Variants in KIF1A observed in about 807,000 individuals in gnomAD.
KIF1A encodes the protein kinesin family member 1A.
Under a neutral mutation model 227.3 loss-of-function variants are expected in KIF1A, and 46 were observed. The ratio of observed to expected loss-of-function variants is 0.20; its 90% confidence interval spans 0.16 to 0.26. The LOEUF (loss-of-function observed/expected upper bound fraction) is 0.26. KIF1A is among the 10% of genes least tolerant of loss of function. The pLI, the probability that KIF1A is intolerant of heterozygous loss-of-function variation, is 1.00. For missense variants in KIF1A, 1,683 were observed against 2,485.9 expected, an observed-to-expected ratio of 0.68 and a Z score of 6.87; for synonymous variants, 1,022 against 1,012.8, an observed-to-expected ratio of 1.01 and a Z score of -0.17.
chr2:240,811,120 G>A (rs919783254), intron 1 of KIF1A, among the ~76,000 whole-genome samples: 2 of 152,186 alleles, frequency 1.3e-5, no homozygotes, highest in South Asian at 2.1e-4. Flanking sequence ...CCAGCACTTT[G>A]GGAGGCCGAG....
Position 240,757,157 on chromosome 2 carries a change from G to T in KIF1A, c.2858+162C>A, listed in dbSNP as rs1055850979. 2.0e-5 allele frequency among the ~76,000 whole-genome samples: 3 copies of T among 152,166 alleles called. No individual in the cohort carries two copies. On this transcript the variant is annotated intron_variant, in intron 27 of 48. Transcript: ENST00000498729. This position sits in a 1 kb window ranked among gnomAD's most constrained non-coding sequence, Gnocchi z 6.2. ...GCCCCACTGCAAGGATGCAGGGCCC[G>T]GGGGCCCTCGGGTGCTCTCCTCAGG...
intron 38 of KIF1A, chr2:240,734,718 C>G (rs1224462008): frequency 7.7e-7 from 1 of 1,304,686 alleles, no homozygotes; most frequent in South Asian, 1.2e-5. Flanking sequence ...ACAGATGATA[C>G]CTAGGTATGT....
chr2:240,722,021 A>G, intron 43 of KIF1A, 137 bp from the exon 44 acceptor site: 1 of 684,638 alleles, frequency 1.5e-6, no homozygotes, highest in East Asian at 2.7e-5. Context: ...CAAGGTGGGC[A>G]GCACCTCCAC....
At chr2:240,771,509 C>G (rs2051985091) in intron 14 of KIF1A, among the ~76,000 whole-genome samples, 1 of 152,130 alleles carries the variant, frequency 6.6e-6, no homozygotes, top group Non-Finnish European at 1.5e-5. Flanking sequence ...AGCTGCACTC[C>G]AGGCCCCACT....
intron 38 of KIF1A, among the ~76,000 whole-genome samples, chr2:240,728,673 G>T (rs1294893527): frequency 6.6e-6 from 1 of 152,212 alleles, no homozygotes; most frequent in Non-Finnish European, 1.5e-5. Flanking sequence ...GGGCCAGGTG[G>T]ATGCCCAGAA....
At chr2:240,772,495 A>C in intron 14 of KIF1A, 75 bp downstream of exon 14, 1 of 1,340,166 alleles carries the variant, frequency 7.5e-7, no homozygotes, top group Non-Finnish European at 1.0e-6. Flanking sequence ...CCCCTCCCTG[A>C]CCATGCCACC....
In KIF1A at chr2:240,750,451, G is replaced by T. The variant is rs537989393; in HGVS notation, c.2955C>A (p.Arg985=). ...SEKGEVKGFL[R]VAVQAISADE... The stretch of plus-strand genomic sequence containing the variant: ...CACCTGAGATGGCCTGGACGGCCAC[G>T]CGGAGGAAGCCCTTCACCTCGCCCT... Residue 985 remains arginine, a synonymous_variant, in exon 28 of 49, where the codon CGC becomes CGA. Transcript: ENST00000498729. 1 of 1,613,640 alleles carries T rather than the reference G, an allele frequency of 6.2e-7. No homozygotes were observed. The highest frequency in any genetic ancestry group is 1.3e-5 in the African/African-American group (1 of 75,060).
At chr2:240,782,658 G>T in intron 9 of KIF1A, 51 bp from the exon 10 acceptor site, 1 of 1,544,006 alleles carries the variant, frequency 6.5e-7, no homozygotes, top group Non-Finnish European at 8.8e-7. Context: ...AAGCTGGCGC[G>T]GGCTGTGGGG....
rs1293784683 is a variant in KIF1A at position 240,797,532 on chromosome 2, AG to A, written c.106+114del. On this transcript the variant is annotated intron_variant, in intron 2 of 48. Coordinates refer to ENST00000498729, the MANE Select transcript of KIF1A (RefSeq NM_001244008.2). Reference sequence around the variant, plus strand: ...AGGACACCCACACGCCACATAGACAAGGAGGTGCTCTTGCGGCCAGGGCCAG... The same window carrying A: ...AGGACACCCACACGCCACATAGACAAGAGGTGCTCTTGCGGCCAGGGCCAG... 31 of 706,416 alleles carry A rather than the reference AG, an allele frequency of 4.4e-5. No individual in the cohort carries two copies. The Middle Eastern group carries it at 7.5e-4, about 17-fold the overall frequency. 43.8% of individuals were successfully genotyped at this position (706,416 alleles called of 1,614,324 possible).
chr2:240,796,773 A>C (rs900975068), intron 2 of KIF1A, among the ~76,000 whole-genome samples: 1 of 152,090 alleles, frequency 6.6e-6, no homozygotes, highest in African/African-American at 2.4e-5. Context: ...CAGAGCCCTC[A>C]CTTCCATAGG....
chr2:240,744,050 T>G lies in KIF1A; in HGVS notation c.3476A>C (p.Glu1159Ala). 1 of 1,611,768 alleles carries G rather than the reference T, an allele frequency of 6.2e-7. No homozygotes were observed. Among genetic ancestry groups the G allele is most frequent in the Non-Finnish European group, 8.5e-7 (1 of 1,178,044 alleles). Residue 1159 changes from glutamate to alanine, a missense_variant, in exon 33 of 49, where the codon GAG becomes GCG. Glu to Ala is a moderately radical substitution (Grantham distance 107). This residue lies in a region of KIF1A where 759 missense variants were observed against 1,020.2 expected (regional missense o/e 0.74). Coordinates refer to ENST00000498729, the MANE Select transcript of KIF1A (RefSeq NM_001244008.2). ...GTACTCAATGAAGGACTTGGTCACC[T>G]CCACTGCGATCTGGTGGGCAGGCAG... ...GFYHVQNIAV[E>A]VTKSFIEYIK...
Position 240,762,830 on chromosome 2 carries a change from T to G in KIF1A, c.2023-18A>C. On this transcript the variant is annotated intron_variant, in intron 22 of 48. Coordinates refer to ENST00000498729, the MANE Select transcript of KIF1A (RefSeq NM_001244008.2). ...TCATAGTCCTGCAGAAAGCAAGGCC[T>G]GTGACTCCACTACGGCCCTACCTGC... 1 of 1,568,964 alleles carries G rather than the reference T, an allele frequency of 6.4e-7. No homozygotes were observed. The highest frequency in any genetic ancestry group is 8.7e-7 in the Non-Finnish European group (1 of 1,151,922).
At chr2:240,760,508 T>C (rs530639011) in intron 25 of KIF1A, among the ~76,000 whole-genome samples, 157 bp downstream of exon 25, 1 of 152,382 alleles carries the variant, frequency 6.6e-6, no homozygotes, top group Admixed American at 6.5e-5. Flanking sequence ...CTGGACTCTA[T>C]TCACATTTTT....
Position 240,766,867 on chromosome 2 carries a change from C to G in KIF1A, c.1684+48G>C, listed in dbSNP as rs1479036599. The stretch of plus-strand genomic sequence containing the variant: ...GGTGACCTCATTCAGGCCTGATCAT[C>G]ACGGCACAGGGGCATGGGTGCGGGT... On this transcript the variant is annotated intron_variant, in intron 19 of 48. Coordinates refer to ENST00000498729, the MANE Select transcript of KIF1A (RefSeq NM_001244008.2). The surrounding 1 kb of genome is among the most constrained non-coding windows in gnomAD (Gnocchi z 5.0). 1 of 1,361,246 alleles carries G rather than the reference C, an allele frequency of 7.3e-7. No individual in the cohort carries two copies. Among genetic ancestry groups the G allele is most frequent in the East Asian group, 2.4e-5 (1 of 41,240 alleles). The allele number at this position is 1,361,246 out of a possible 1,614,324, so 84.3% of individuals were successfully genotyped here.
chr2:240,810,492 C>A (rs2126225043), intron 1 of KIF1A, among the ~76,000 whole-genome samples: 1 of 152,294 alleles, frequency 6.6e-6, no homozygotes, highest in Admixed American at 6.5e-5. Context: ...GGTGCCACCA[C>A]TTTGAAAATA....
In KIF1A at chr2:240,793,910, G is replaced by A. The variant is rs1047101017; in HGVS notation, c.106+3737C>T. Among the ~76,000 whole-genome samples the A allele has an allele frequency of 1.3e-5, 2 of 152,248 alleles. No individual in the cohort carries two copies. The highest frequency in any genetic ancestry group is 2.1e-4 in the South Asian group (1 of 4,818). On this transcript the variant is annotated intron_variant, in intron 2 of 48. Transcript: ENST00000498729. This position sits in a 1 kb window ranked among gnomAD's most constrained non-coding sequence, Gnocchi z 4.8. Reference sequence around the variant, plus strand: ...CCCACGACATCCTCTGAGGGGCCCCGCACAGTCCCCGCCATCTTCCGAGGG... The same window carrying A: ...CCCACGACATCCTCTGAGGGGCCCCACACAGTCCCCGCCATCTTCCGAGGG...
rs10594016 is a variant in KIF1A at position 240,757,423 on chromosome 2, A to ATCCTCCTCCTCCTCC, written c.2739_2753dup (p.Glu913_Glu917dup). On this transcript the variant is annotated inframe_insertion, in exon 27 of 49. Transcript: ENST00000498729. This position sits in a 1 kb window ranked among gnomAD's most constrained non-coding sequence, Gnocchi z 6.2. The stretch of plus-strand genomic sequence containing the variant: ...CGTCCTCCAGGTCCTCCTCCTCCTC[A>ATCCTCCTCCTCCTCC]TCCTCCTCCTCCTCCTCCTCCTCCT... 2.0e-6 allele frequency: 3 copies of ATCCTCCTCCTCCTCC among 1,482,770 alleles called. No individual in the cohort carries two copies. Among genetic ancestry groups the ATCCTCCTCCTCCTCC allele is most frequent in the African/African-American group, 1.5e-5 (1 of 67,518 alleles). The allele number at this position is 1,482,770 out of a possible 1,614,324, so 91.9% of individuals were successfully genotyped here. A position where few individuals can be genotyped will look rare whatever the true frequency, so the allele number is the denominator to read the frequency against.
At chr2:240,720,852 G>C (rs773481949) in intron 45 of KIF1A, 62 bp downstream of exon 45, 2 of 1,484,260 alleles carry the variant, frequency 1.3e-6, no homozygotes, top group Non-Finnish European at 1.8e-6. Context: ...CCCGAGTCAC[G>C]GCCATGGTCA....
chr2:240,732,703 G>A (rs2046859879), intron 38 of KIF1A, among the ~76,000 whole-genome samples: 1 of 111,250 alleles, frequency 9.0e-6, no homozygotes, highest in African/African-American at 3.6e-5. Flanking sequence ...GTGAAATGAG[G>A]GGATGAGGGG....
Sources: allele counts gnomAD v4.1 joint callset (sites outside exome capture counted in the v4.1 genomes callset), GRCh38; gene constraint gnomAD v4.1.1; regional missense constraint gnomAD v4.1.1; non-coding constraint Gnocchi (gnomAD v3.1); transcripts MANE v1.5; gene names NCBI Gene and HGNC (gene_info 2026-07-23, HGNC 2026-07-21).